MID2: variants seen among roughly 807,000 people sequenced by gnomAD.
MID2 encodes the protein probable E3 ubiquitin-protein ligase MID2.
A neutral mutation model predicts 46.1 loss-of-function variants in MID2; 13 were observed. The ratio of observed to expected loss-of-function variants is 0.28; its 90% CI spans 0.18 to 0.45. The LOEUF is 0.45. Ranked by LOEUF, MID2 falls within the 20% of genes least tolerant of loss-of-function variation. MID2 has a pLI of 1.00. For synonymous variants in MID2, 199 were observed against 212.3 expected, an observed-to-expected ratio of 0.94 and a Z score of 0.55; for missense variants, 431 against 575.4, an observed-to-expected ratio of 0.75 and a Z score of 2.57.
intron 2 of MID2, among the ~76,000 whole-genome samples, chrX:107,844,819 G>A (rs1420920377): frequency 3.6e-5 from 4 of 111,246 alleles, no homozygotes; most frequent in East Asian, 2.8e-4. Flanking sequence ...CAAATCCTAC[G>A]TATTCTTTAA....
At chrX:107,904,256 G>A (rs1427331379) in intron 4 of MID2, among the ~76,000 whole-genome samples, 191 bp downstream of exon 4, 2 of 111,806 alleles carry the variant, frequency 1.8e-5, no homozygotes, top group Non-Finnish European at 3.8e-5. Context: ...TGTTAGAAAC[G>A]TTCTATATCT....
At chrX:107,841,653 CTCTA>C (rs1931350460) in intron 2 of MID2, among the ~76,000 whole-genome samples, 1 of 112,644 alleles carries the variant, frequency 8.9e-6, no homozygotes. Context: ...GAAACACACC[CTCTA>C]TCTTCTGTCA....
intron 5 of MID2, among the ~76,000 whole-genome samples, chrX:107,910,270 G>T (rs1434389661): frequency 1.8e-5 from 2 of 111,395 alleles, no homozygotes; most frequent in African/African-American, 6.5e-5. Flanking sequence ...TCTGTGCCTG[G>T]CTTATTTTAC....
intron 3 of MID2, among the ~76,000 whole-genome samples, chrX:107,873,429 G>A (rs1012827275): frequency 8.9e-6 from 1 of 111,906 alleles, no homozygotes; most frequent in African/African-American, 3.3e-5. Flanking sequence ...TTACCTGAGA[G>A]CAATTTCTGG....
rs1930935730 is a variant in MID2 at position 107,826,152 on chromosome X, T to C, written c.-275T>C. On this transcript the variant is annotated 5_prime_UTR_variant, in exon 1 of 10. Coordinates refer to ENST00000262843, the MANE Select transcript of MID2 (RefSeq NM_012216.4). The stretch of plus-strand genomic sequence containing the variant: ...CCCTGGACTGAGGGGCGAAAACTCT[T>C]AAGTTTAGCTCGGGAGGCCCAGCTG... 1 of 294,487 alleles carries C rather than the reference T, an allele frequency of 3.4e-6. No homozygotes were observed. The highest frequency in any genetic ancestry group is 2.8e-5 in the African/African-American group (1 of 36,317). 24.3% of individuals were successfully genotyped at this position (294,487 alleles called of 1,213,427 possible). A position where few individuals can be genotyped will look rare whatever the true frequency, so the allele number is the denominator to read the frequency against.
chrX:107,859,024 T>C (rs1404217619), intron 3 of MID2, among the ~76,000 whole-genome samples: 3 of 111,320 alleles, frequency 2.7e-5, no homozygotes, highest in African/African-American at 9.8e-5. Context: ...TGCTACTAGG[T>C]CTTAGCTTCA....
At chrX:107,921,680 A>AT (rs1394359313) in intron 7 of MID2, among the ~76,000 whole-genome samples, 2 of 111,613 alleles carry the variant, frequency 1.8e-5, no homozygotes, top group African/African-American at 6.5e-5. Context: ...ATTTGTTTAT[A>AT]TATCAGTATG....
At chrX:107,890,295 T>C (rs919450312) in intron 3 of MID2, among the ~76,000 whole-genome samples, 2 of 112,194 alleles carry the variant, frequency 1.8e-5, no homozygotes, top group Non-Finnish European at 3.8e-5. Flanking sequence ...GATGGGGTTT[T>C]GGTGTGGATG....
At chrX:107,863,161 T>G (rs1208651358) in intron 3 of MID2, among the ~76,000 whole-genome samples, 3 of 112,423 alleles carry the variant, frequency 2.7e-5, no homozygotes, top group Non-Finnish European at 5.6e-5. Context: ...ACCTAATGCA[T>G]TCAATCCTTT....
At chrX:107,842,802 A>G (rs1931377867) in intron 2 of MID2, among the ~76,000 whole-genome samples, 1 of 112,141 alleles carries the variant, frequency 8.9e-6, no homozygotes, top group African/African-American at 3.2e-5. Context: ...GACTCATAAG[A>G]TATTAGGCCT....
chrX:107,910,102 T>G (rs1156823172), intron 5 of MID2, among the ~76,000 whole-genome samples: 1 of 111,985 alleles, frequency 8.9e-6, no homozygotes, highest in Non-Finnish European at 1.9e-5. Context: ...TCTCAGAAAC[T>G]TATTCCTCCT....
At chrX:107,855,130 A>T (rs752031905) in intron 3 of MID2, among the ~76,000 whole-genome samples, 4 of 110,986 alleles carry the variant, frequency 3.6e-5, no homozygotes, top group Non-Finnish European at 7.6e-5. Flanking sequence ...TATTATCAGG[A>T]CTGCTTCTCC....
chrX:107,879,528 C>T (rs116625518), intron 3 of MID2, among the ~76,000 whole-genome samples: 2,078 of 111,940 alleles, frequency 0.019, 51 homozygotes, highest in African/African-American at 0.063. Flanking sequence ...TCTCTGCTGG[C>T]GGAGCCTAGG....
rs750281560 is a variant in MID2 at position 107,826,963 on chromosome X, G to C, written c.4+533G>C. On this transcript the variant is annotated intron_variant, in intron 1 of 9. Coordinates refer to ENST00000262843, the MANE Select transcript of MID2 (RefSeq NM_012216.4). ...CCTTTTCTGCCAGGGAGCGATCCTC[G>C]AGTCTCCGTCTGGATGGTTCCTTAT... 6.2e-5 allele frequency among the ~76,000 whole-genome samples: 7 copies of C among 112,839 alleles called. No homozygotes were observed. In the Admixed American group the frequency reaches 6.4e-4, roughly 10 times the overall value.
At chrX:107,923,945 C>G (rs772547713) in intron 7 of MID2, among the ~76,000 whole-genome samples, 33 of 112,034 alleles carry the variant, frequency 2.9e-4, no homozygotes, top group African/African-American at 1.0e-3. Flanking sequence ...TTTCCCTGCT[C>G]TGCACAGGAT....
chrX:107,840,859 G>A lies in MID2; in HGVS notation c.194G>A (p.Gly65Asp), dbSNP rs759408457. Reference protein sequence around the residue: ...HRILVSSCSSGESIEPITAFQ... With the variant: ...HRILVSSCSSDESIEPITAFQ... The stretch of plus-strand genomic sequence containing the variant: ...ATTTTGGTATCAAGCTGCAGCTCTG[G>A]TGAATCCATTGAACCCATTACTGCT... Residue 65 changes from glycine to aspartate, a missense_variant, in exon 2 of 10, where the codon GGT (glycine) becomes GAT (aspartate). Transcript: ENST00000262843. 8.3e-7 allele frequency: 1 copy of A among 1,211,701 alleles called. No homozygotes were observed. Among genetic ancestry groups the A allele is most frequent in the Non-Finnish European group, 1.1e-6 (1 of 895,518 alleles).
intron 5 of MID2, among the ~76,000 whole-genome samples, chrX:107,909,113 A>T (rs181842437): frequency 9.0e-6 from 1 of 111,690 alleles, no homozygotes; most frequent in East Asian, 2.8e-4. Flanking sequence ...TTGTATTCCT[A>T]TAAATATTCT....
intron 1 of MID2, among the ~76,000 whole-genome samples, chrX:107,837,556 T>C (rs1319284283): frequency 1.0e-5 from 1 of 99,729 alleles, no homozygotes; most frequent in Non-Finnish European, 2.0e-5. Context: ...AAAAACTCTA[T>C]AAACTATGTT....
At chrX:107,838,865 G>T (rs969038081) in intron 1 of MID2, among the ~76,000 whole-genome samples, 17 of 111,980 alleles carry the variant, frequency 1.5e-4, no homozygotes, top group African/African-American at 5.5e-4. Flanking sequence ...CCAGCACTTT[G>T]GGAGGCTGTG....
Sources: allele counts gnomAD v4.1 joint callset (sites outside exome capture counted in the v4.1 genomes callset), GRCh38; gene constraint gnomAD v4.1.1; transcripts MANE v1.5; gene names NCBI Gene and HGNC (gene_info 2026-07-23, HGNC 2026-07-21).